CFAP20DC: variants seen among roughly 807,000 people sequenced by gnomAD.
CFAP20DC encodes the protein CFAP20 domain containing.
Under a neutral mutation model 101.7 loss-of-function variants are expected in CFAP20DC, and 84 were observed. The observed-to-expected ratio is 0.83, with a 90% CI of 0.69 to 0.99. CFAP20DC has a LOEUF of 0.99. CFAP20DC is among the 50% of genes least tolerant of loss of function. CFAP20DC has a pLI of 0.00. For missense variants in CFAP20DC, 1,007 were observed against 970.3 expected, an observed-to-expected ratio of 1.04 and a Z score of -0.50; for synonymous variants, 359 against 351.2, an observed-to-expected ratio of 1.02 and a Z score of -0.25.
chr3:58,772,759 G>C (rs1167336159), intron 15 of CFAP20DC, among the ~76,000 whole-genome samples: 2 of 152,092 alleles, frequency 1.3e-5, no homozygotes, highest in African/African-American at 4.8e-5. Context: ...AGCCAAAGTA[G>C]AATGTTGTCA....
intron 5 of CFAP20DC, among the ~76,000 whole-genome samples, chr3:58,933,455 T>G (rs970929962): frequency 4.6e-5 from 7 of 152,118 alleles, no homozygotes; most frequent in African/African-American, 1.4e-4. Context: ...CCACCCCAAA[T>G]CAACAGAATA....
intron 4 of CFAP20DC, among the ~76,000 whole-genome samples, chr3:59,021,042 T>C (rs1405069345): frequency 6.6e-6 from 1 of 152,064 alleles, no homozygotes; most frequent in African/African-American, 2.4e-5. Flanking sequence ...TGACAAGATA[T>C]AGAGGATCCA....
At chr3:58,947,806 A>G (rs566250905) in intron 4 of CFAP20DC, among the ~76,000 whole-genome samples, 1 of 152,346 alleles carries the variant, frequency 6.6e-6, no homozygotes, top group East Asian at 1.9e-4. Context: ...ATAGGACAAC[A>G]AAGGAGGAAA....
intron 4 of CFAP20DC, among the ~76,000 whole-genome samples, chr3:58,968,748 T>C (rs537587589): frequency 6.6e-6 from 1 of 152,334 alleles, no homozygotes; most frequent in East Asian, 1.9e-4. Flanking sequence ...TCTGTTGCAA[T>C]TGCTTTTGGT....
chr3:59,032,090 A>G (rs1462978987), intron 4 of CFAP20DC, among the ~76,000 whole-genome samples: 1 of 152,152 alleles, frequency 6.6e-6, no homozygotes. Context: ...GGGAAGCACA[A>G]GGGTTCGGGG....
intron 6 of CFAP20DC, among the ~76,000 whole-genome samples, chr3:58,911,343 T>C (rs1013053252): frequency 2.0e-5 from 3 of 152,202 alleles, no homozygotes; most frequent in Admixed American, 6.6e-5. Context: ...AGTACAAGAA[T>C]GCATACATGA....
Position 58,849,355 on chromosome 3 carries a change from T to A in CFAP20DC, c.1648A>T (p.Thr550Ser), listed in dbSNP as rs532101972. 55 of 1,535,892 alleles carry A rather than the reference T, an allele frequency of 3.6e-5. No homozygotes were observed. The South Asian group carries it at 6.2e-4, about 17-fold the overall frequency. Reference protein sequence around the residue: ...RGPTTGPSELTQLTLESLLGK... With the variant: ...RGPTTGPSELSQLTLESLLGK... ...AGCAGGCTCTCTAATGTTAACTGAGTTAACTCTGAAGGACCAGTTGTTGGG... is the reference window on the plus strand; with the variant it reads ...AGCAGGCTCTCTAATGTTAACTGAGATAACTCTGAAGGACCAGTTGTTGGG... The change falls in exon 13 of 17, where the codon ACT (threonine) becomes TCT (serine). Residue 550 changes from threonine to serine, a missense_variant. Transcript: ENST00000482387.
chr3:59,019,341 C>A (rs183719043), intron 4 of CFAP20DC, among the ~76,000 whole-genome samples: 2 of 152,018 alleles, frequency 1.3e-5, no homozygotes, highest in African/African-American at 4.8e-5. Context: ...CATTTCCTAG[C>A]CCGCAATGCT....
Position 58,805,312 on chromosome 3 carries a change from G to C in CFAP20DC, c.2237+1083C>G, listed in dbSNP as rs148038458. Among the ~76,000 whole-genome samples, 137 of 152,322 alleles carry C rather than the reference G, an allele frequency of 9.0e-4. No individual in the cohort carries two copies. In the East Asian group the frequency reaches 0.023, roughly 26 times the overall value. On this transcript the variant is annotated intron_variant, in intron 15 of 16. Transcript: ENST00000482387. ...GAGCAGATGGGAGGAAGCAAGCAGA[G>C]ATGGAGTGAAGAGACTGCCTGGCTG...
At chr3:58,740,147 G>T (rs2067849053), downstream of CFAP20DC, among the ~76,000 whole-genome samples, 1 of 152,180 alleles carries the variant, frequency 6.6e-6, no homozygotes, top group African/African-American at 2.4e-5. The surrounding 1 kb of genome is among the most constrained non-coding windows in gnomAD (Gnocchi z 4.6). Flanking sequence ...GAGTAGCTGA[G>T]AAATGTATGA....
At position 58,866,617 on chromosome 3, in the gene CFAP20DC, C is replaced by T. The variant is rs373829708; in HGVS notation, c.1207G>A (p.Ala403Thr). The change falls in exon 11 of 17, where the codon GCA becomes ACA. Residue 403 changes from alanine (A) to threonine (T), a missense_variant. Transcript: ENST00000482387. ...AGAGTGCCGGAGTTCAACAGCTCTG[C>T]TCCTTGTTGGGACACAGTGGTGAGG... is the stretch of plus-strand genomic sequence containing the variant. ...TILTTVSQQG[A>T]ELLNSGTLGP... The T allele has an allele frequency of 3.2e-5, 52 of 1,612,074 alleles. No individual in the cohort carries two copies. The highest frequency in any genetic ancestry group is 4.3e-5 in the Non-Finnish European group (51 of 1,178,394).
intron 4 of CFAP20DC, among the ~76,000 whole-genome samples, chr3:58,986,365 G>A (rs951774829): frequency 4.6e-5 from 7 of 152,078 alleles, no homozygotes; most frequent in African/African-American, 1.7e-4. Context: ...ATAGATGGGG[G>A]CCTCAGGATT....
intron 5 of CFAP20DC, among the ~76,000 whole-genome samples, chr3:58,936,121 A>G (rs1249519546): frequency 2.6e-5 from 4 of 152,206 alleles, no homozygotes; most frequent in Non-Finnish European, 5.9e-5. Flanking sequence ...AAGGACATGA[A>G]CAGACACTTC....
At chr3:58,952,881 T>C (rs1270504174) in intron 4 of CFAP20DC, among the ~76,000 whole-genome samples, 1 of 152,130 alleles carries the variant, frequency 6.6e-6, no homozygotes, top group African/African-American at 2.4e-5. Context: ...TATTGGCTCA[T>C]CTTCTTATTG....
chr3:58,907,043 G>A (rs139391182), intron 6 of CFAP20DC, among the ~76,000 whole-genome samples: 20 of 152,212 alleles, frequency 1.3e-4, no homozygotes, highest in African/African-American at 3.9e-4. Flanking sequence ...CTAGTCTATG[G>A]TGAAAATGTC....
intron 4 of CFAP20DC, among the ~76,000 whole-genome samples, chr3:59,031,048 T>C (rs1459640581): frequency 1.3e-5 from 2 of 151,514 alleles, no homozygotes; most frequent in Non-Finnish European, 2.9e-5. Flanking sequence ...AGTCTCGATC[T>C]CCTGACCTCG....
chr3:58,786,008 T>G (rs901141851), intron 15 of CFAP20DC, among the ~76,000 whole-genome samples: 2 of 152,138 alleles, frequency 1.3e-5, no homozygotes, highest in South Asian at 4.1e-4. Context: ...GTCCTGTTGT[T>G]TCTCCACAAA....
Position 58,884,640 on chromosome 3 carries a change from G to C in CFAP20DC, c.620C>G (p.Thr207Arg). The C allele has an allele frequency of 1.9e-6, 3 of 1,613,886 alleles. No individual in the cohort carries two copies. The highest frequency in any genetic ancestry group is 2.5e-6 in the Non-Finnish European group (3 of 1,179,788). The change falls in exon 7 of 17, where the codon ACA (threonine) becomes AGA (arginine). Residue 207 changes from threonine to arginine, a missense_variant. Thr to Arg is a moderately conservative substitution (Grantham distance 71, BLOSUM62 -1). Coordinates refer to ENST00000482387, the MANE Select transcript of CFAP20DC (RefSeq NM_001394063.1). ...CAGCTGTGTGACATGTGGAACATCTGTCATTAGTTGACAGCTTCGTGGTAT... is the reference window on the plus strand; with the variant it reads ...CAGCTGTGTGACATGTGGAACATCTCTCATTAGTTGACAGCTTCGTGGTAT... ...DIIPRSCQLM[T>R]DVPHVTQLLN...
intron 16 of CFAP20DC, among the ~76,000 whole-genome samples, chr3:58,746,758 A>G (rs1471250689): frequency 6.6e-6 from 1 of 152,164 alleles, no homozygotes; most frequent in Non-Finnish European, 1.5e-5. Flanking sequence ...CAACAATGAC[A>G]TTCATACAAA....
Sources: allele counts gnomAD v4.1 joint callset (sites outside exome capture counted in the v4.1 genomes callset), GRCh38; gene constraint gnomAD v4.1.1; non-coding constraint Gnocchi (gnomAD v3.1); transcripts MANE v1.5; gene names NCBI Gene and HGNC (gene_info 2026-07-23, HGNC 2026-07-21).